ANO8: variants seen among roughly 807,000 people sequenced by gnomAD.
ANO8 encodes anoctamin 8, also known as anoctamin-8.
A neutral mutation model predicts 120.4 loss-of-function variants in ANO8; 67 were observed. That is an observed-to-expected ratio of 0.56 (90% CI 0.46 to 0.68). The LOEUF is 0.68. Among genes scored for constraint, ANO8 ranks in the 30% least tolerant of loss-of-function variants. The pLI, the probability that ANO8 is intolerant of heterozygous loss-of-function variation, is 0.00. For synonymous variants in ANO8, 727 were observed against 759.2 expected (o/e 0.96, Z 0.70); for missense variants, 1,526 against 1,737.6 (o/e 0.88, Z 2.16).
chr19:17,333,091 C>T lies in ANO8; in HGVS notation c.489+10G>A. 1 of 1,613,732 alleles carries T rather than the reference C, an allele frequency of 6.2e-7. No individual in the cohort carries two copies. The highest frequency in any genetic ancestry group is 8.5e-7 in the Non-Finnish European group (1 of 1,179,736). On this transcript the variant is annotated intron_variant, in intron 4 of 17. Transcript: ENST00000159087. The surrounding 1 kb of genome is among the most constrained non-coding windows in gnomAD (Gnocchi z 7.2). ...ACAGGATGCATGCGGGGGCCCAGAGCCGGCCTCACCTGGGAGGTGAAGAAG... is the reference window on the plus strand; with the variant it reads ...ACAGGATGCATGCGGGGGCCCAGAGTCGGCCTCACCTGGGAGGTGAAGAAG...
Position 17,325,181 on chromosome 19 carries a change from C to A in ANO8, c.2867G>T (p.Gly956Val). The stretch of plus-strand genomic sequence containing the variant: ...CTTGGGCCGTTCAGGCCCGTGGCCA[C>A]CCGCAGTGCTGCCCTTGGCCTTGGC... ...ASAKAKGSTA[G>V]GHGPERPKRP... The change falls in exon 17 of 18, where the codon GGT becomes GTT. Residue 956 changes from glycine (G) to valine (V), a missense_variant. Physicochemically the swap from Gly to Val is moderately radical, Grantham distance 109 (BLOSUM62 -3). This residue lies in a region of ANO8 where 489 missense variants were observed against 548.6 expected (regional missense o/e 0.89). Transcript: ENST00000159087. The A allele has an allele frequency of 6.2e-7, 1 of 1,613,108 alleles. No individual in the cohort carries two copies.
At chr19:17,334,537 C>T (rs2074347187) in intron 1 of ANO8, 28 bp downstream of exon 1, 6 of 1,519,108 alleles carry the variant, frequency 3.9e-6, no homozygotes, top group Non-Finnish European at 5.3e-6. Flanking sequence ...ACCTGCAACC[C>T]TGTCTGGTCC....
chr19:17,334,814 C>A lies in ANO8; in HGVS notation c.-144G>T, dbSNP rs1290967582. The A allele has an allele frequency of 8.1e-7, 1 of 1,227,370 alleles. No homozygotes were observed. Among genetic ancestry groups the A allele is most frequent in the Non-Finnish European group, 1.1e-6 (1 of 917,724 alleles). 76.0% of individuals were successfully genotyped at this position (1,227,370 alleles called of 1,614,324 possible). A position where few individuals can be genotyped will look rare whatever the true frequency, so the allele number is the denominator to read the frequency against. Reference sequence around the variant, plus strand: ...GCGCCGGCCTCGGTCCTCGCTCGCCCGAGCGCTGCTTCTCGTCCCCGCCCG... The same window carrying A: ...GCGCCGGCCTCGGTCCTCGCTCGCCAGAGCGCTGCTTCTCGTCCCCGCCCG... On this transcript the variant is annotated 5_prime_UTR_variant, in exon 1 of 18. Coordinates refer to ENST00000159087, the MANE Select transcript of ANO8 (RefSeq NM_020959.3).
At position 17,333,082 on chromosome 19, in the gene ANO8, G is replaced by C; in HGVS notation, c.489+19C>G. The C allele has an allele frequency of 1.9e-6, 3 of 1,613,570 alleles. No individual in the cohort carries two copies. Among genetic ancestry groups the C allele is most frequent in the Non-Finnish European group, 2.5e-6 (3 of 1,179,654 alleles). On this transcript the variant is annotated intron_variant, in intron 4 of 17. Coordinates refer to ENST00000159087, the MANE Select transcript of ANO8 (RefSeq NM_020959.3). The surrounding 1 kb of genome is among the most constrained non-coding windows in gnomAD (Gnocchi z 7.2). The stretch of plus-strand genomic sequence containing the variant: ...CTCATAGGCACAGGATGCATGCGGG[G>C]GCCCAGAGCCGGCCTCACCTGGGAG...
At position 17,330,484 on chromosome 19, in the gene ANO8, G is replaced by C. The variant is rs1406047353; in HGVS notation, c.1014C>G (p.Pro338=). Residue 338 remains proline (P), a synonymous_variant, in exon 9 of 18, where the codon CCC becomes CCG. Transcript: ENST00000159087. ...PQFRGVRRIS[P]ITRAEEFYYP... ...AGTAGAACTCCTCGGCCCGCGTGATGGGGCTGATACGTCGCACGCCCTGAT... is the reference window on the plus strand; with the variant it reads ...AGTAGAACTCCTCGGCCCGCGTGATCGGGCTGATACGTCGCACGCCCTGAT... 6.5e-7 allele frequency: 1 copy of C among 1,544,264 alleles called. No homozygotes were observed. Among genetic ancestry groups the C allele is most frequent in the Non-Finnish European group, 8.7e-7 (1 of 1,143,574 alleles).
rs1369406013 is a variant in ANO8, at chr19:17,334,647, G to A, written c.24C>T (p.Ala8=). The A allele has an allele frequency of 2.0e-6, 3 of 1,479,658 alleles. No homozygotes were observed. Among genetic ancestry groups the A allele is most frequent in the Admixed American group, 2.3e-5 (1 of 43,340 alleles). The allele number at this position is 1,479,658 out of a possible 1,614,324, so 91.7% of individuals were successfully genotyped here. MAEAASG[A]GGTSLEGERG... Reference sequence around the variant, plus strand: ...GCTCGCCCTCCAGGGACGTGCCCCCGGCGCCGGAGGCGGCCTCGGCCATGG... The same window carrying A: ...GCTCGCCCTCCAGGGACGTGCCCCCAGCGCCGGAGGCGGCCTCGGCCATGG... The change falls in exon 1 of 18, where the codon GCC becomes GCT. Residue 8 remains alanine (A), a synonymous_variant. Coordinates refer to ENST00000159087, the MANE Select transcript of ANO8 (RefSeq NM_020959.3).
At chr19:17,328,085 C>T (rs1599545567) in intron 13 of ANO8, 77 bp downstream of exon 13, 2 of 1,412,996 alleles carry the variant, frequency 1.4e-6, no homozygotes, top group Non-Finnish European at 1.9e-6. Context: ...CTCCCACCCC[C>T]ACGGCCTTCA....
In ANO8 at chr19:17,328,591, C is replaced by T. The variant is rs113297737; in HGVS notation, c.1797G>A (p.Glu599=). The change falls in exon 13 of 18, where the codon GAG becomes GAA. Residue 599 remains glutamate, a synonymous_variant. Transcript: ENST00000159087. The part of the protein sequence containing the change: ...EEEDEEEEED[E]EEGEEGGLLD... ...GGAGGCCCCCTTCCTCGCCCTCCTC[C>T]TCGTCCTCCTCTTCCTCCTCGTCCT... The T allele has an allele frequency of 1.7e-5, 27 of 1,545,700 alleles. No individual in the cohort carries two copies. Among genetic ancestry groups the T allele is most frequent in the African/African-American group, 6.8e-5 (5 of 73,008 alleles).
In ANO8 at chr19:17,329,418, G is replaced by T. The variant is rs551007228; in HGVS notation, c.1404+339C>A. ...TCGCCACCTGCCCGTACTTTGGCCC[G>T]GGCCGCGAGCAGGAGGCCCCGGAGG... On this transcript the variant is annotated intron_variant, in intron 12 of 17. Coordinates refer to ENST00000159087, the MANE Select transcript of ANO8 (RefSeq NM_020959.3). 31 of 395,944 alleles carry T rather than the reference G, an allele frequency of 7.8e-5. No individual in the cohort carries two copies. The South Asian group carries it at 1.0e-3, about 13-fold the overall frequency. The allele number at this position is 395,944 out of a possible 1,614,324, so 24.5% of individuals were successfully genotyped here. A position where few individuals can be genotyped will look rare whatever the true frequency, so the allele number is the denominator to read the frequency against.
Position 17,330,242 on chromosome 19 carries a change from G to A in ANO8, c.1156C>T (p.Leu386=). Residue 386 remains leucine, a synonymous_variant, in exon 10 of 18, where the codon CTG becomes TTG. Transcript: ENST00000159087. ...LGCFQLQELV[L]SVKGLPRLAR... ...AGACGGGGCAACCCCTTCACGCTCA[G>A]CACCAGCTCCTGCGGGAGAAGGGGG... 1 of 1,614,036 alleles carries A rather than the reference G, an allele frequency of 6.2e-7. No individual in the cohort carries two copies. The highest frequency in any genetic ancestry group is 8.5e-7 in the Non-Finnish European group (1 of 1,180,022).
In ANO8 at chr19:17,325,327, C is replaced by T; in HGVS notation, c.2721G>A (p.Glu907=). 2 of 1,603,422 alleles carry T rather than the reference C, an allele frequency of 1.2e-6. No individual in the cohort carries two copies. The highest frequency in any genetic ancestry group is 1.7e-6 in the Non-Finnish European group (2 of 1,179,414). The part of the protein sequence containing the change: ...YQQQQRRRRE[E]EERQRHAEHH... The stretch of plus-strand genomic sequence containing the variant: ...GCTCTGCATGGCGCTGTCGCTCCTC[C>T]TCCTCCCGCCGCCTGCGCTGCTGCT... Residue 907 remains glutamate (E), a synonymous_variant, in exon 17 of 18, where the codon GAG becomes GAA. Transcript: ENST00000159087.
intron 14 of ANO8, 56 bp from the exon 15 acceptor site, chr19:17,327,625 G>C (rs2074281475): frequency 1.9e-6 from 3 of 1,608,158 alleles, no homozygotes; most frequent in Non-Finnish European, 2.6e-6. Flanking sequence ...CAGACCCCAG[G>C]CTCCTCCCAG....
rs2074340228 is a variant in ANO8 at position 17,333,877 on chromosome 19, C to A, written c.107-77G>T. On this transcript the variant is annotated intron_variant, in intron 1 of 17. Coordinates refer to ENST00000159087, the MANE Select transcript of ANO8 (RefSeq NM_020959.3). The surrounding 1 kb of genome is among the most constrained non-coding windows in gnomAD (Gnocchi z 7.2). ...GGCCTCCAGTCTTGGCTCCTCCTGCCCCCGCCAGGGCTCCTCACCACTCCA... is the reference window on the plus strand; with the variant it reads ...GGCCTCCAGTCTTGGCTCCTCCTGCACCCGCCAGGGCTCCTCACCACTCCA... The A allele has an allele frequency of 2.4e-6, 3 of 1,271,180 alleles. No homozygotes were observed. Among genetic ancestry groups the A allele is most frequent in the Admixed American group, 2.0e-5 (1 of 49,938 alleles). 78.7% of individuals were successfully genotyped at this position (1,271,180 alleles called of 1,614,324 possible).
Position 17,331,407 on chromosome 19 carries a change from C to A in ANO8, c.591G>T (p.Pro197=), listed in dbSNP as rs202235096. 114 of 1,613,322 alleles carry A rather than the reference C, an allele frequency of 7.1e-5. 1 individual carries two copies. The Admixed American group carries it at 1.0e-3, about 15-fold the overall frequency. ...GGATGATCCCACGTGCTGCCAGCTCCGGGACTGTGGAGGGAGGAGCACAGG... is the reference window on the plus strand; with the variant it reads ...GGATGATCCCACGTGCTGCCAGCTCAGGGACTGTGGAGGGAGGAGCACAGG... The part of the protein sequence containing the change: ...VRFLEDQPII[P]ELAARGIIQQ... Residue 197 remains proline (P), a synonymous_variant, in exon 6 of 18, where the codon CCG becomes CCT. Transcript: ENST00000159087.
chr19:17,328,279 G>A lies in ANO8; in HGVS notation c.2109C>T (p.Ser703=), dbSNP rs760349683. Residue 703 remains serine, a synonymous_variant, in exon 13 of 18, where the codon AGC becomes AGT. Coordinates refer to ENST00000159087, the MANE Select transcript of ANO8 (RefSeq NM_020959.3). ...GCCGTCTCTGCCTACGGGTCGAATC[G>A]CTGTTGGAGCCGGGTTCCGGGTCCG... The part of the protein sequence containing the change: ...GGPDPEPGSN[S]DSTRRQRRQN... 2 of 1,608,932 alleles carry A rather than the reference G, an allele frequency of 1.2e-6. No individual in the cohort carries two copies. Among genetic ancestry groups the A allele is most frequent in the Non-Finnish European group, 1.7e-6 (2 of 1,178,290 alleles).
Position 17,328,418 on chromosome 19 carries a change from G to T in ANO8, c.1970C>A (p.Ala657Asp). ...CCCCTCCGCCTCGTCGTCCTCCTCGGCCAGGGTGAACACTCCCGGCTCCAG... is the reference window on the plus strand; with the variant it reads ...CCCCTCCGCCTCGTCGTCCTCCTCGTCCAGGGTGAACACTCCCGGCTCCAG... ...KGLEPGVFTL[A>D]EEDDEAEGAP... Residue 657 changes from alanine to aspartate, a missense_variant, in exon 13 of 18, where the codon GCC becomes GAC. Around this residue, in one of 8 missense-constraint regions of ANO8, gnomAD observed 467 missense variants for 425.8 expected, o/e 1.10. Coordinates refer to ENST00000159087, the MANE Select transcript of ANO8 (RefSeq NM_020959.3). 6.3e-7 allele frequency: 1 copy of T among 1,574,880 alleles called. No homozygotes were observed. The highest frequency in any genetic ancestry group is 8.6e-7 in the Non-Finnish European group (1 of 1,166,488).
At chr19:17,323,989 G>T in intron 17 of ANO8, 105 bp from the exon 18 acceptor site, 1 of 1,024,832 alleles carries the variant, frequency 9.8e-7, no homozygotes, top group Non-Finnish European at 1.2e-6. Flanking sequence ...GGCACATAAA[G>T]GCCTTATTGC....
intron 16 of ANO8, among the ~76,000 whole-genome samples, chr19:17,326,406 G>T (rs950289503): frequency 2.6e-5 from 4 of 152,182 alleles, no homozygotes; most frequent in African/African-American, 9.7e-5. Context: ...GGAGGCATGA[G>T]AATTGCTTAA....
At chr19:17,324,336 G>A (rs1326218502) in intron 17 of ANO8, among the ~76,000 whole-genome samples, 1 of 152,070 alleles carries the variant, frequency 6.6e-6, no homozygotes, top group African/African-American at 2.4e-5. Flanking sequence ...GCAGGGTGTG[G>A]ATTTGCATAG....
Sources: allele counts gnomAD v4.1 joint callset (sites outside exome capture counted in the v4.1 genomes callset), GRCh38; gene constraint gnomAD v4.1.1; regional missense constraint gnomAD v4.1.1; non-coding constraint Gnocchi (gnomAD v3.1); transcripts MANE v1.5; gene names NCBI Gene and HGNC (gene_info 2026-07-23, HGNC 2026-07-21).